Variants in LTBP1 observed in about 807,000 individuals in gnomAD.
LTBP1 encodes latent transforming growth factor beta binding protein 1.
In LTBP1, 129 loss-of-function variants were observed where a neutral mutation model predicts 207.6. That is an observed-to-expected ratio of 0.62 (90% CI 0.54 to 0.72). The LOEUF (loss-of-function observed/expected upper bound fraction) is 0.72, where lower values mean the gene tolerates loss of function less well. Among genes scored for constraint, LTBP1 ranks in the 30% least tolerant of loss-of-function variants. LTBP1 has a pLI of 0.00. For missense variants in LTBP1, 2,281 were observed against 2,217.2 expected (o/e 1.03, Z -0.58); for synonymous variants, 963 against 833.7 (o/e 1.16, Z -2.67).
chr2:33,054,244 TG>T, intron 3 of LTBP1, among the ~76,000 whole-genome samples: 1 of 152,326 alleles, frequency 6.6e-6, no homozygotes, highest in Admixed American at 6.5e-5. Context: ...CTCCTAGAAT[TG>T]GGGTGTTGCA....
At chr2:33,334,503 A>G (rs2094532676) in intron 24 of LTBP1, among the ~76,000 whole-genome samples, 1 of 152,226 alleles carries the variant, frequency 6.6e-6, no homozygotes, top group Non-Finnish European at 1.5e-5. Flanking sequence ...GTCCTTGAAT[A>G]AGGCTGGAGA....
At chr2:33,183,344 C>G (rs1171689377) in intron 5 of LTBP1, among the ~76,000 whole-genome samples, 1 of 152,170 alleles carries the variant, frequency 6.6e-6, no homozygotes, top group Non-Finnish European at 1.5e-5. Context: ...GAGGAGATGG[C>G]AGAACTACCT....
At chr2:33,237,270 CTT>C (rs1319196263) in intron 9 of LTBP1, among the ~76,000 whole-genome samples, 2 of 152,054 alleles carry the variant, frequency 1.3e-5, no homozygotes, top group African/African-American at 4.8e-5. Flanking sequence ...CCAAAGGACT[CTT>C]CGGGTTTTAA....
chr2:32,973,587 C>T (rs1558459185), intron 2 of LTBP1, among the ~76,000 whole-genome samples: 1 of 152,082 alleles, frequency 6.6e-6, no homozygotes, highest in African/African-American at 2.4e-5. Flanking sequence ...ATCTGCGTTA[C>T]AAACAATCTT....
chr2:33,187,317 T>G (rs534837932), intron 6 of LTBP1, among the ~76,000 whole-genome samples: 15 of 152,288 alleles, frequency 9.8e-5, no homozygotes, highest in Admixed American at 7.8e-4. Context: ...AGCCCATTCT[T>G]CTCTAGTGAT....
intron 3 of LTBP1, among the ~76,000 whole-genome samples, chr2:33,085,334 A>G (rs547454916): frequency 6.6e-6 from 1 of 152,322 alleles, no homozygotes; most frequent in East Asian, 1.9e-4. Flanking sequence ...ACACTGCCCA[A>G]ACTCTGATCT....
chr2:32,975,164 G>T (rs1184092090), intron 2 of LTBP1, among the ~76,000 whole-genome samples: 4 of 152,112 alleles, frequency 2.6e-5, no homozygotes, highest in African/African-American at 9.7e-5. Context: ...TAAAACTCTT[G>T]GTTGAAGTTT....
chr2:33,136,266 G>T (rs528874331), intron 5 of LTBP1, among the ~76,000 whole-genome samples: 95 of 152,336 alleles, frequency 6.2e-4, no homozygotes, highest in African/African-American at 2.1e-3. Context: ...TGCAGGGCAG[G>T]GAGCCAAGTC....
At chr2:33,063,407 A>G (rs2077358416) in intron 3 of LTBP1, among the ~76,000 whole-genome samples, 1 of 152,232 alleles carries the variant, frequency 6.6e-6, no homozygotes, top group Non-Finnish European at 1.5e-5. Flanking sequence ...GCAGAAGCAG[A>G]TAGGCAATCA....
At position 33,152,202 on chromosome 2, in the gene LTBP1, G is replaced by T. The variant is rs889179062; in HGVS notation, c.1201+17242G>T. Among the ~76,000 whole-genome samples, 3 of 151,694 alleles carry T rather than the reference G, an allele frequency of 2.0e-5. No individual in the cohort carries two copies. In the East Asian group the frequency reaches 5.8e-4, roughly 29 times the overall value. ...AGGACTAATATCCAGAATCTACAAG[G>T]AACTCAAAAAAGCAGTAAGAAAAAA... On this transcript the variant is annotated intron_variant, in intron 5 of 33. Transcript: ENST00000404816.
intron 7 of LTBP1, among the ~76,000 whole-genome samples, chr2:33,197,206 A>C (rs2088663807): frequency 6.6e-6 from 1 of 152,218 alleles, no homozygotes. Flanking sequence ...GATCTCATAG[A>C]ACTATATAGG....
intron 25 of LTBP1, among the ~76,000 whole-genome samples, chr2:33,345,098 C>T (rs116393391): frequency 1.4e-3 from 209 of 152,320 alleles, no homozygotes; most frequent in African/African-American, 4.8e-3. Flanking sequence ...CTATGATACG[C>T]ACTTCACACT....
intron 8 of LTBP1, 39 bp downstream of exon 8, chr2:33,217,693 G>A (rs779892846): frequency 8.4e-6 from 12 of 1,434,984 alleles, no homozygotes; most frequent in South Asian, 8.2e-5. Flanking sequence ...GGTTAATGTA[G>A]CATATCTGTT....
intron 5 of LTBP1, among the ~76,000 whole-genome samples, chr2:33,166,205 G>T (rs759304378): frequency 6.6e-6 from 1 of 151,378 alleles, no homozygotes; most frequent in Non-Finnish European, 1.5e-5. Flanking sequence ...ATTATATATC[G>T]GTTAAAAAAG....
intron 3 of LTBP1, among the ~76,000 whole-genome samples, chr2:33,099,435 T>C (rs1416887612): frequency 6.6e-6 from 1 of 152,182 alleles, no homozygotes; most frequent in Non-Finnish European, 1.5e-5. Flanking sequence ...ACTTGTATAT[T>C]ACATTTAAAA....
At chr2:33,388,085 C>T (rs1188175223) in intron 31 of LTBP1, among the ~76,000 whole-genome samples, 1 of 152,206 alleles carries the variant, frequency 6.6e-6, no homozygotes, top group Non-Finnish European at 1.5e-5. Flanking sequence ...GCTTTCCTCC[C>T]TAGACCTTCT....
intron 7 of LTBP1, among the ~76,000 whole-genome samples, chr2:33,211,474 A>G (rs934003433): frequency 7.2e-5 from 11 of 152,016 alleles, no homozygotes; most frequent in African/African-American, 2.7e-4. Flanking sequence ...ATTTAATCTC[A>G]CAATCCTTTG....
chr2:32,947,265 C>T lies in LTBP1; in HGVS notation c.-60C>T. 1.7e-6 allele frequency: 2 copies of T among 1,177,448 alleles called. No homozygotes were observed. The allele number at this position is 1,177,448 out of a possible 1,614,324, so 72.9% of individuals were successfully genotyped here. On this transcript the variant is annotated 5_prime_UTR_variant, in exon 1 of 34. Coordinates refer to ENST00000404816, the MANE Select transcript of LTBP1 (RefSeq NM_206943.4). ...CCCGAACGCGCGGGGAAAGGCGAGC[C>T]GCACGGCCGGGGGAGGGGGCCGGAC... is the stretch of plus-strand genomic sequence containing the variant.
In LTBP1 at chr2:33,356,977, A is replaced by T. The variant is rs1294713985; in HGVS notation, c.4001-3620A>T. On this transcript the variant is annotated intron_variant, in intron 26 of 33. Transcript: ENST00000404816. Reference sequence around the variant, plus strand: ...AGCAGTGTTACTCTTGGGTCATTGTAATAATTCTGACTGTTAGGAAAAGGT... The same window carrying T: ...AGCAGTGTTACTCTTGGGTCATTGTTATAATTCTGACTGTTAGGAAAAGGT... Among the ~76,000 whole-genome samples, 7 of 152,200 alleles carry T rather than the reference A, an allele frequency of 4.6e-5. No homozygotes were observed. In the East Asian group the frequency reaches 1.3e-3, roughly 29 times the overall value.
Sources: gnomAD v4.1 joint callset for allele counts (sites outside exome capture counted in the v4.1 genomes callset) on GRCh38, gnomAD v4.1.1 for gene constraint, MANE v1.5 for transcripts, NCBI Gene and HGNC (gene_info 2026-07-23, HGNC 2026-07-21) for gene names.